Variants in RB1 observed in about 807,000 individuals in gnomAD.
RB1 encodes RB transcriptional corepressor 1.
RB1 carries 18 observed loss-of-function variants against 135.4 expected under a neutral mutation model. The ratio of observed to expected loss-of-function variants is 0.13; its 90% confidence interval spans 0.09 to 0.20. RB1 has a LOEUF of 0.20. Ranked by LOEUF, RB1 falls within the 10% of genes least tolerant of loss-of-function variation. The pLI, the probability that RB1 is intolerant of heterozygous loss-of-function variation, is 1.00. For missense variants in RB1, 868 were observed against 1,110.0 expected (o/e 0.78, Z 3.10); for synonymous variants, 365 against 373.2 (o/e 0.98, Z 0.25).
At chr13:48,473,604 C>G (rs1030284466) in intron 24 of RB1, among the ~76,000 whole-genome samples, 2 of 152,082 alleles carry the variant, frequency 1.3e-5, no homozygotes, top group Non-Finnish European at 2.9e-5. Flanking sequence ...CAAAACTTTT[C>G]TAAATATCCA....
At chr13:48,330,089 A>G (rs1189498591) in intron 2 of RB1, among the ~76,000 whole-genome samples, 1 of 151,618 alleles carries the variant, frequency 6.6e-6, no homozygotes, top group African/African-American at 2.4e-5. Flanking sequence ...ATAGTCAAAT[A>G]AGAAATCAAA....
intron 17 of RB1, among the ~76,000 whole-genome samples, chr13:48,416,911 C>A (rs1260894614): frequency 1.3e-5 from 2 of 152,172 alleles, no homozygotes; most frequent in African/African-American, 4.8e-5. Context: ...AAGGCAGCAG[C>A]CCCAGTCAGG....
At chr13:48,383,483 G>T (rs1461288220) in intron 17 of RB1, among the ~76,000 whole-genome samples, 1 of 152,010 alleles carries the variant, frequency 6.6e-6, no homozygotes, top group Non-Finnish European at 1.5e-5. Flanking sequence ...TATAGAAGTG[G>T]TAATTAAAAA....
chr13:48,447,761 A>G (rs140617135), intron 17 of RB1, among the ~76,000 whole-genome samples: 55 of 152,262 alleles, frequency 3.6e-4, no homozygotes, highest in African/African-American at 1.3e-3. Flanking sequence ...TGATCATGAC[A>G]TACTCATCAT....
chr13:48,314,554 C>T (rs556660737), intron 2 of RB1, among the ~76,000 whole-genome samples: 1 of 152,244 alleles, frequency 6.6e-6, no homozygotes, highest in African/African-American at 2.4e-5. Flanking sequence ...AATCTTAGCA[C>T]TTTGGGAGGC....
At chr13:48,381,550 T>A (rs1340890572) in intron 17 of RB1, 107 bp downstream of exon 17, 3 of 1,043,702 alleles carry the variant, frequency 2.9e-6, no homozygotes, top group Non-Finnish European at 4.4e-6. Flanking sequence ...TATAGGGAAT[T>A]TAATGAATAA....
intron 2 of RB1, among the ~76,000 whole-genome samples, chr13:48,338,953 G>T (rs1952413995): frequency 6.6e-6 from 1 of 152,166 alleles, no homozygotes. Flanking sequence ...GACCCTGTTT[G>T]CCTGGGTATC....
At chr13:48,472,809 TGTCGA>T (rs1364979666) in intron 23 of RB1, among the ~76,000 whole-genome samples, 4 of 152,182 alleles carry the variant, frequency 2.6e-5, no homozygotes, top group Non-Finnish European at 5.9e-5. Context: ...TTCAAATCTT[TGTCGA>T]GTCATGTCAG....
chr13:48,359,467 A>G lies in RB1; in HGVS notation c.608-550A>G, dbSNP rs1042081539. On this transcript the variant is annotated intron_variant, in intron 6 of 26. Transcript: ENST00000267163. ...AAATAATTATTTTAAATTTTTAGATAATGAGAATTAATTGAATCATTGGAA... is the reference window on the plus strand; with the variant it reads ...AAATAATTATTTTAAATTTTTAGATGATGAGAATTAATTGAATCATTGGAA... Among the ~76,000 whole-genome samples the G allele has an allele frequency of 2.0e-5, 3 of 148,520 alleles. No homozygotes were observed. In the East Asian group the frequency reaches 5.9e-4, roughly 29 times the overall value.
At chr13:48,328,108 G>A (rs1263669388) in intron 2 of RB1, 11 of 942,616 alleles carry the variant, frequency 1.2e-5, no homozygotes, top group Non-Finnish European at 1.9e-5. Context: ...ACATTTCGAA[G>A]ATGAGATTTT....
intron 2 of RB1, among the ~76,000 whole-genome samples, chr13:48,339,038 C>T (rs1159616516): frequency 3.3e-5 from 5 of 152,132 alleles, no homozygotes; most frequent in African/African-American, 7.2e-5. Context: ...CTGGAAGCTT[C>T]GTCTCAGAGG....
intron 2 of RB1, among the ~76,000 whole-genome samples, chr13:48,328,752 C>A (rs879899701): frequency 6.6e-5 from 10 of 152,196 alleles, no homozygotes; most frequent in Non-Finnish European, 1.2e-4. Context: ...AAGGATACAG[C>A]AAACACTGCT....
intron 17 of RB1, among the ~76,000 whole-genome samples, chr13:48,433,845 C>G (rs1593512849): frequency 6.6e-6 from 1 of 151,822 alleles, no homozygotes; most frequent in East Asian, 1.9e-4. Flanking sequence ...GCATATCTTA[C>G]AACTTTTGTC....
At chr13:48,409,625 G>T (rs558493724) in intron 17 of RB1, among the ~76,000 whole-genome samples, 1 of 120,018 alleles carries the variant, frequency 8.3e-6, no homozygotes, top group Admixed American at 1.2e-4. Context: ...TCTGTCGCCC[G>T]GCTGGAGTGC....
At chr13:48,466,001 A>G (rs1949440778) in intron 23 of RB1, among the ~76,000 whole-genome samples, 1 of 146,780 alleles carries the variant, frequency 6.8e-6, no homozygotes, top group South Asian at 2.3e-4. Flanking sequence ...GCCATTGCCC[A>G]GGCTTGCTTA....
chr13:48,446,797 A>G (rs1949290931), intron 17 of RB1, among the ~76,000 whole-genome samples: 1 of 152,228 alleles, frequency 6.6e-6, no homozygotes, highest in South Asian at 2.1e-4. Context: ...GTGTTAGAGC[A>G]TGAGGTCTGA....
rs1952784627 is a variant in RB1, at chr13:48,373,466, T to G, written c.1189T>G (p.Ser397Ala). 3 of 1,588,796 alleles carry G rather than the reference T, an allele frequency of 1.9e-6. No individual in the cohort carries two copies. The highest frequency in any genetic ancestry group is 1.3e-5 in the African/African-American group (1 of 74,392). Residue 397 changes from serine to alanine, a missense_variant, in exon 12 of 27, where the codon TCA becomes GCA. This residue lies in a region of RB1 where 641 missense variants were observed against 791.3 expected (regional missense o/e 0.81). Coordinates refer to ENST00000267163, the MANE Select transcript of RB1 (RefSeq NM_000321.3). Reference protein sequence around the residue: ...MILNSASDQPSENLISYFNNC... With the variant: ...MILNSASDQPAENLISYFNNC... Reference sequence around the variant, plus strand: ...TTTAAATTCAGCAAGTGATCAACCTTCAGAAAATCTGATTTCCTATTTTAA... The same window carrying G: ...TTTAAATTCAGCAAGTGATCAACCTGCAGAAAATCTGATTTCCTATTTTAA...
intron 3 of RB1, among the ~76,000 whole-genome samples, chr13:48,344,607 G>C (rs1278495588): frequency 6.6e-6 from 1 of 152,132 alleles, no homozygotes; most frequent in African/African-American, 2.4e-5. Flanking sequence ...CACGGGGGAG[G>C]GGGTGGCTTT....
chr13:48,347,930 T>A (rs946144337), intron 5 of RB1, 67 bp downstream of exon 5: 1 of 1,222,566 alleles, frequency 8.2e-7, no homozygotes, highest in African/African-American at 1.5e-5. Context: ...ATCTCAAACA[T>A]CTTGATAGTT....
Sources: gnomAD v4.1 joint callset for allele counts (sites outside exome capture counted in the v4.1 genomes callset) on GRCh38, gnomAD v4.1.1 for gene constraint, gnomAD v4.1.1 regional missense constraint, MANE v1.5 for transcripts, NCBI Gene and HGNC (gene_info 2026-07-23, HGNC 2026-07-21) for gene names.